The following PAK4 variants were observed in gnomAD, a reference collection of about 807,000 sequenced individuals.
The protein encoded by PAK4 is p21 (RAC1) activated kinase 4.
PAK4 carries 49 observed loss-of-function variants against 53.5 expected under a neutral mutation model. The ratio of observed to expected loss-of-function variants is 0.92; its 90% CI spans 0.73 to 1.16. The LOEUF (loss-of-function observed/expected upper bound fraction) is 1.16. PAK4 is among the 50% of genes most tolerant of loss of function. The pLI, the probability that PAK4 is intolerant of heterozygous loss-of-function variation, is 0.00. For synonymous variants in PAK4, 376 were observed against 375.6 expected (o/e 1.00, Z -0.01); for missense variants, 824 against 850.7 (o/e 0.97, Z 0.39).
At chr19:39,146,484 C>G (rs914744667) in intron 1 of PAK4, among the ~76,000 whole-genome samples, 2 of 152,220 alleles carry the variant, frequency 1.3e-5, no homozygotes, top group Non-Finnish European at 2.9e-5. Flanking sequence ...TAAACCATTA[C>G]TATTTTTAAG....
At position 39,173,979 on chromosome 19, in the gene PAK4, A is replaced by G. The variant is rs1243319570; in HGVS notation, c.1067A>G (p.Lys356Arg). ...GCCGTCAAGAAGATGGACCTGCGCA[A>G]GCAGCAGAGGCGCGAGCTGCTCTTC... Residue 356 changes from lysine (K) to arginine (R), a missense_variant, in exon 4 of 9, where the codon AAG (lysine) becomes AGG (arginine). Physicochemically the swap from Lys to Arg is conservative, Grantham distance 26. Around this residue, in one of 2 missense-constraint regions of PAK4, gnomAD observed 346 missense variants for 415.0 expected, o/e 0.83. Transcript: ENST00000358301. This position sits in a 1 kb window ranked among gnomAD's most constrained non-coding sequence, Gnocchi z 6.9. The G allele has an allele frequency of 6.2e-6, 10 of 1,607,230 alleles. No homozygotes were observed. The East Asian group carries it at 1.1e-4, about 18-fold the overall frequency.
intron 2 of PAK4, among the ~76,000 whole-genome samples, chr19:39,171,271 G>A (rs1028023310): frequency 1.3e-5 from 2 of 150,246 alleles, no homozygotes; most frequent in Non-Finnish European, 3.0e-5. Flanking sequence ...GTGCAGTGGC[G>A]CCACCTCGGC....
Position 39,173,848 on chromosome 19 carries a change from G to A in PAK4, c.936G>A (p.Val312=). The change falls in exon 4 of 9, where the codon GTG becomes GTA. Residue 312 remains valine (V), a synonymous_variant. Transcript: ENST00000358301. This position sits in a 1 kb window ranked among gnomAD's most constrained non-coding sequence, Gnocchi z 6.9. ...TCCGGGCTGCCCTGCAGCTGGTGGT[G>A]GACCCAGGCGACCCCCGCTCCTACC... 3.1e-6 allele frequency: 5 copies of A among 1,612,592 alleles called. No individual in the cohort carries two copies. The highest frequency in any genetic ancestry group is 2.2e-5 in the South Asian group (2 of 91,050).
At chr19:39,151,333 T>C (rs2074090737) in intron 1 of PAK4, among the ~76,000 whole-genome samples, 1 of 152,174 alleles carries the variant, frequency 6.6e-6, no homozygotes, top group African/African-American at 2.4e-5. Flanking sequence ...ACACCTCACA[T>C]ATCAGCAGAG....
Position 39,159,391 on chromosome 19 carries a change from G to A in PAK4, c.-22-10141G>A, listed in dbSNP as rs534556783. On this transcript the variant is annotated intron_variant, in intron 1 of 8. Transcript: ENST00000358301. ...CTGTCAAGGGGAAGGCACGGGACAT[G>A]CAGGGTTTTTTTCAGACAGAGTCTC... Among the ~76,000 whole-genome samples, 3 of 152,268 alleles carry A rather than the reference G, an allele frequency of 2.0e-5. No homozygotes were observed. In the East Asian group the frequency reaches 5.8e-4, roughly 29 times the overall value.
In PAK4 at chr19:39,144,671, C is replaced by T. The variant is rs556261332; in HGVS notation, c.-23+18752C>T. ...GAGGGCTCAGGGGCCGGCTGCTTCCCGGCCTTTGTCTTCCTTGCAGGAAAC... is the reference window on the plus strand; with the variant it reads ...GAGGGCTCAGGGGCCGGCTGCTTCCTGGCCTTTGTCTTCCTTGCAGGAAAC... On this transcript the variant is annotated intron_variant, in intron 1 of 8. Transcript: ENST00000358301. Among the ~76,000 whole-genome samples, 39 of 152,328 alleles carry T rather than the reference C, an allele frequency of 2.6e-4. No individual in the cohort carries two copies. In the East Asian group the frequency reaches 6.0e-3, roughly 23 times the overall value.
chr19:39,158,608 T>C (rs1452456666), intron 1 of PAK4, among the ~76,000 whole-genome samples: 1 of 152,198 alleles, frequency 6.6e-6, no homozygotes, highest in Non-Finnish European at 1.5e-5. Context: ...CTGTGCCCTT[T>C]TGTGCTGGGC....
chr19:39,154,962 CCTGAG>C (rs1369571192), intron 1 of PAK4, among the ~76,000 whole-genome samples: 2 of 152,200 alleles, frequency 1.3e-5, no homozygotes, highest in Non-Finnish European at 2.9e-5. Context: ...AGTTCCAGGC[CCTGAG>C]AGCAAGCGCT....
chr19:39,176,677 G>A (rs780795083), exon 7 of PAK4: 2 of 1,612,502 alleles, frequency 1.2e-6, no homozygotes, highest in Non-Finnish European at 1.7e-6. Flanking sequence ...CTACTGGATG[G>A]CCCCAGAGCT....
At chr19:39,172,952 G>A in exon 3 of PAK4, 1 of 1,543,928 alleles carries the variant, frequency 6.5e-7, no homozygotes, top group Non-Finnish European at 8.8e-7. Flanking sequence ...GCCAAAGATG[G>A]GGCCCTCACG....
At chr19:39,138,837 G>A (rs1399091467) in intron 1 of PAK4, among the ~76,000 whole-genome samples, 1 of 152,208 alleles carries the variant, frequency 6.6e-6, no homozygotes, top group African/African-American at 2.4e-5. Flanking sequence ...TCTGGGATGC[G>A]GGAAGCAGCT....
intron 1 of PAK4, among the ~76,000 whole-genome samples, chr19:39,130,092 G>T (rs1430078626): frequency 1.3e-5 from 2 of 150,746 alleles, no homozygotes; most frequent in African/African-American, 2.4e-5. Context: ...GGCGGGATGT[G>T]GGGGGGACCC....
At chr19:39,176,349 A>T in intron 6 of PAK4, 1 of 560,640 alleles carries the variant, frequency 1.8e-6, no homozygotes, top group South Asian at 1.9e-5. Flanking sequence ...AAAGCCCCAG[A>T]GGCTGTCAGG....
chr19:39,148,800 C>G (rs1043520029), intron 1 of PAK4, among the ~76,000 whole-genome samples: 5 of 151,534 alleles, frequency 3.3e-5, no homozygotes, highest in Non-Finnish European at 7.4e-5. Flanking sequence ...ACATTTAAGT[C>G]TGTGATCCAT....
chr19:39,155,099 G>C (rs943489459), intron 1 of PAK4, among the ~76,000 whole-genome samples: 1 of 152,214 alleles, frequency 6.6e-6, no homozygotes, highest in Non-Finnish European at 1.5e-5. Flanking sequence ...TCTGCTGTGT[G>C]CCGGGGCGCT....
chr19:39,163,809 G>A (rs932450981), intron 1 of PAK4, among the ~76,000 whole-genome samples: 1 of 152,118 alleles, frequency 6.6e-6, no homozygotes, highest in African/African-American at 2.4e-5. Flanking sequence ...AAGATTTCCC[G>A]GGTGCTGCTG....
chr19:39,180,272 C>T (rs1307181157), downstream of PAK4: 1 of 152,104 alleles, frequency 6.6e-6, no homozygotes, highest in Non-Finnish European at 1.5e-5. Flanking sequence ...AGCAGCTGTG[C>T]TCTCTGCGAT....
At chr19:39,165,195 G>GATGATGATGATAATAATAATAATA (rs1364745681) in intron 1 of PAK4, among the ~76,000 whole-genome samples, 73 of 128,430 alleles carry the variant, frequency 5.7e-4, no homozygotes, top group African/African-American at 2.1e-3. Context: ...TGATGATGAT[G>GATGATGATGATAATAATAATAATA]ATAATAATAA....
intron 1 of PAK4, among the ~76,000 whole-genome samples, chr19:39,148,466 C>CCTTTTTTTTTTTTTT (rs2074039465): frequency 1.8e-5 from 1 of 56,786 alleles, no homozygotes; most frequent in African/African-American, 7.6e-5. Context: ...GTTTCTTCTG[C>CCTTTTTTTTTTTTTT]TTTTTTTTTT....
Sources: allele counts gnomAD v4.1 joint callset (sites outside exome capture counted in the v4.1 genomes callset), GRCh38; gene constraint gnomAD v4.1.1; regional missense constraint gnomAD v4.1.1; non-coding constraint Gnocchi (gnomAD v3.1); transcripts MANE v1.5; gene names NCBI Gene and HGNC (gene_info 2026-07-23, HGNC 2026-07-21).